The following SLC9A9 variants were observed in gnomAD, a reference collection of about 807,000 sequenced individuals.
SLC9A9 encodes solute carrier family 9 member A9.
In SLC9A9, 62 loss-of-function variants were observed where a neutral mutation model predicts 77.8. The observed-to-expected ratio is 0.80, with a 90% confidence interval of 0.65 to 0.98. The LOEUF (loss-of-function observed/expected upper bound fraction) is 0.98. Among genes scored for constraint, SLC9A9 ranks in the 50% least tolerant of loss-of-function variants. The pLI is 0.00. For synonymous variants in SLC9A9, 320 were observed against 283.5 expected, an observed-to-expected ratio of 1.13 and a Z score of -1.29; for missense variants, 775 against 774.9, an observed-to-expected ratio of 1.00 and a Z score of 0.00.
At chr3:143,636,457 T>G (rs1051637809) in intron 6 of SLC9A9, among the ~76,000 whole-genome samples, 2 of 152,186 alleles carry the variant, frequency 1.3e-5, no homozygotes, top group African/African-American at 4.8e-5. Flanking sequence ...TATTTTGATT[T>G]TCCCAGTTTT....
At chr3:143,816,194 G>T (rs531224762) in intron 2 of SLC9A9, among the ~76,000 whole-genome samples, 5 of 152,068 alleles carry the variant, frequency 3.3e-5, no homozygotes, top group Non-Finnish European at 5.9e-5. Flanking sequence ...AGTTAGTATT[G>T]CTTGTATATT....
intron 14 of SLC9A9, among the ~76,000 whole-genome samples, chr3:143,274,118 T>C (rs1161239814): frequency 6.6e-6 from 1 of 152,224 alleles, no homozygotes; most frequent in Non-Finnish European, 1.5e-5. Flanking sequence ...TGATCATATC[T>C]CAGCTTGTGG....
In SLC9A9 at chr3:143,467,173, C is replaced by A. The variant is rs761337323; in HGVS notation, c.1333G>T (p.Ala445Ser). The change falls in exon 12 of 16, where the codon GCA becomes TCA. Residue 445 changes from alanine (A) to serine (S), a missense_variant. Coordinates refer to ENST00000316549, the MANE Select transcript of SLC9A9 (RefSeq NM_173653.4). ...GTGTTCCGAATAGCTAAGGCAAATG[C>A]GATCGCTCCTCGCAAACCTTGCAGG... ...MMFSGLRGAI[A>S]FALAIRNTES... 2 of 1,614,032 alleles carry A rather than the reference C, an allele frequency of 1.2e-6. No homozygotes were observed. The highest frequency in any genetic ancestry group is 1.3e-5 in the African/African-American group (1 of 74,928).
At chr3:143,333,056 T>C (rs907593775) in intron 14 of SLC9A9, among the ~76,000 whole-genome samples, 5 of 152,206 alleles carry the variant, frequency 3.3e-5, no homozygotes, top group Non-Finnish European at 5.9e-5. Flanking sequence ...GGAAAACTGA[T>C]GAGAATGTGA....
chr3:143,387,335 G>A (rs550286784), intron 12 of SLC9A9, among the ~76,000 whole-genome samples: 12 of 152,212 alleles, frequency 7.9e-5, no homozygotes, highest in Middle Eastern at 3.4e-3. Context: ...GGTGCCCATC[G>A]TGGATAAATA....
chr3:143,741,418 A>G (rs77920708), intron 4 of SLC9A9, among the ~76,000 whole-genome samples: 8,231 of 152,290 alleles, frequency 0.054, 278 homozygotes, highest in Middle Eastern at 0.075. Context: ...ACAAACATCC[A>G]CAAGTCCACA....
At chr3:143,713,062 T>C (rs1282683371) in intron 4 of SLC9A9, among the ~76,000 whole-genome samples, 1 of 152,056 alleles carries the variant, frequency 6.6e-6, no homozygotes, top group East Asian at 1.9e-4. Context: ...TTCCAGGAAG[T>C]CACAAATAGC....
At chr3:143,767,734 T>G (rs895520616) in intron 4 of SLC9A9, among the ~76,000 whole-genome samples, 9 of 152,176 alleles carry the variant, frequency 5.9e-5, no homozygotes, top group Admixed American at 2.6e-4. Flanking sequence ...GTTTAAAAAT[T>G]GCCTATTTCT....
intron 12 of SLC9A9, among the ~76,000 whole-genome samples, chr3:143,450,839 G>A (rs1165424713): frequency 2.6e-5 from 4 of 152,196 alleles, no homozygotes; most frequent in African/African-American, 4.8e-5. Flanking sequence ...ATCCACAGCA[G>A]GCTGTGATGG....
At chr3:143,841,006 C>G (rs2009692981) in intron 1 of SLC9A9, among the ~76,000 whole-genome samples, 2 of 152,158 alleles carry the variant, frequency 1.3e-5, no homozygotes, top group South Asian at 4.1e-4. Context: ...GTACCATCAT[C>G]TGGCACGGAG....
intron 11 of SLC9A9, among the ~76,000 whole-genome samples, chr3:143,470,686 G>A (rs373607228): frequency 6.6e-6 from 1 of 152,004 alleles, no homozygotes; most frequent in African/African-American, 2.4e-5. Flanking sequence ...TGACAAAGAC[G>A]AGAAACTAGA....
At chr3:143,449,970 A>AATATATATTATATGTATATATACATAT (rs1559921918) in intron 12 of SLC9A9, among the ~76,000 whole-genome samples, 10 of 78,112 alleles carry the variant, frequency 1.3e-4, no homozygotes, top group Non-Finnish European at 2.0e-4. Context: ...TAATATATAT[A>AATATATATTATATGTATATATACATAT]ATATATATTA....
Position 143,413,174 on chromosome 3 carries a change from C to T in SLC9A9, c.1470-31060G>A, listed in dbSNP as rs566271233. On this transcript the variant is annotated intron_variant, in intron 12 of 15. Transcript: ENST00000316549. ...AGCTGCTGAATTTCATGGAGTGCCTCCTTCTCAATTGCCTGGGAGTGTGAA... is the reference window on the plus strand; with the variant it reads ...AGCTGCTGAATTTCATGGAGTGCCTTCTTCTCAATTGCCTGGGAGTGTGAA... Among the ~76,000 whole-genome samples, 162 of 152,256 alleles carry T rather than the reference C, an allele frequency of 1.1e-3. 1 individual carries two copies. The highest frequency in any genetic ancestry group is 1.9e-3 in the Non-Finnish European group (131 of 68,024).
At chr3:143,374,038 G>C (rs1371600163) in intron 13 of SLC9A9, among the ~76,000 whole-genome samples, 1 of 152,056 alleles carries the variant, frequency 6.6e-6, no homozygotes, top group East Asian at 1.9e-4. Context: ...AAAAACTAGA[G>C]ATAAGAGAAA....
At chr3:143,358,638 A>G (rs1050992904) in intron 14 of SLC9A9, among the ~76,000 whole-genome samples, 6 of 152,196 alleles carry the variant, frequency 3.9e-5, no homozygotes, top group African/African-American at 1.4e-4. Flanking sequence ...ACCTATGAAT[A>G]AGGCAACATG....
chr3:143,727,267 G>A (rs1170492604), intron 4 of SLC9A9, among the ~76,000 whole-genome samples: 3 of 152,110 alleles, frequency 2.0e-5, no homozygotes, highest in Admixed American at 1.3e-4. Context: ...TCTAATCAAA[G>A]TAGTGCAAAT....
chr3:143,699,994 A>G (rs960939642), intron 4 of SLC9A9, among the ~76,000 whole-genome samples: 9 of 151,942 alleles, frequency 5.9e-5, no homozygotes, highest in African/African-American at 2.2e-4. Flanking sequence ...GGATATCAGC[A>G]CAGCCACAGT....
intron 11 of SLC9A9, among the ~76,000 whole-genome samples, chr3:143,477,715 G>A (rs1283959265): frequency 6.6e-6 from 1 of 152,122 alleles, no homozygotes; most frequent in Non-Finnish European, 1.5e-5. Context: ...ATTATCCTAT[G>A]GTTCTGCGTC....
At position 143,724,987 on chromosome 3, in the gene SLC9A9, G is replaced by A. The variant is rs112785308; in HGVS notation, c.534-31680C>T. Among the ~76,000 whole-genome samples, 155 of 152,258 alleles carry A rather than the reference G, an allele frequency of 1.0e-3. 1 individual carries two copies. Among genetic ancestry groups the A allele is most frequent in the African/African-American group, 3.6e-3 (150 of 41,538 alleles). The stretch of plus-strand genomic sequence containing the variant: ...GTTTACACAAGAGACTAGGCTTCAC[G>A]TGGCTTGGTCTAAGCCTCCTTCCTG... On this transcript the variant is annotated intron_variant, in intron 4 of 15. Transcript: ENST00000316549.
Sources: allele counts gnomAD v4.1 joint callset (sites outside exome capture counted in the v4.1 genomes callset), GRCh38; gene constraint gnomAD v4.1.1; transcripts MANE v1.5; gene names NCBI Gene and HGNC (gene_info 2026-07-23, HGNC 2026-07-21).